CIMAP1D: variants seen among roughly 807,000 people sequenced by gnomAD.
CIMAP1D encodes the protein CIMAP1 family member D.
chr19:464,096 C>T, the CIMAP1D span: 1 of 1,526,020 alleles, frequency 6.6e-7, no homozygotes, highest in African/African-American at 1.5e-5. Flanking sequence ...GGCTGTCGTA[C>T]TGGCCCGGGC....
the CIMAP1D span, among the ~76,000 whole-genome samples, chr19:472,996 AAACT>A: frequency 1.1e-4 from 13 of 115,260 alleles, no homozygotes; most frequent in Admixed American, 6.8e-4. Flanking sequence ...ACAGATGGGG[AAACT>A]GAGGCCCAGG....
the CIMAP1D span, among the ~76,000 whole-genome samples, chr19:481,120 TGTGGGAAG>T: frequency 6.1e-5 from 3 of 49,074 alleles, no homozygotes; most frequent in African/African-American, 5.1e-4. Flanking sequence ...GGAGAAGGAA[TGTGGGAAG>T]GATGATGGGG....
chr19:464,944 G>A, the CIMAP1D span, among the ~76,000 whole-genome samples: 2 of 133,718 alleles, frequency 1.5e-5, no homozygotes, highest in Non-Finnish European at 3.2e-5. Context: ...CGGTTGATAG[G>A]TAGAAGGAAA....
chr19:485,319 G>A, the CIMAP1D span, among the ~76,000 whole-genome samples: 962 of 152,332 alleles, frequency 6.3e-3, 12 homozygotes, highest in African/African-American at 0.021. Flanking sequence ...GGCAGGAGCC[G>A]GGCGTGCCCG....
chr19:489,215 C>T, the CIMAP1D span: 2 of 152,178 alleles, frequency 1.3e-5, no homozygotes, highest in Non-Finnish European at 2.9e-5. Context: ...TCAGCTGCGC[C>T]CTGCGGGTCG....
chr19:467,451 A>T, the CIMAP1D span, among the ~76,000 whole-genome samples: 2 of 151,970 alleles, frequency 1.3e-5, no homozygotes, highest in Non-Finnish European at 2.9e-5. Context: ...ATCCTGACCC[A>T]CTTCACTCAT....
At chr19:476,824 T>G in the CIMAP1D span, among the ~76,000 whole-genome samples, 1 of 152,176 alleles carries the variant, frequency 6.6e-6, no homozygotes, top group African/African-American at 2.4e-5. Flanking sequence ...ATTTTCAAAC[T>G]AAATGACTAT....
chr19:487,382 G>A, the CIMAP1D span, among the ~76,000 whole-genome samples: 2 of 139,156 alleles, frequency 1.4e-5, no homozygotes, highest in Admixed American at 7.3e-5. Flanking sequence ...GGCATAACTA[G>A]CCTGGCTCAT....
the CIMAP1D span, chr19:472,473 C>T: frequency 3.5e-4 from 545 of 1,545,986 alleles, 1 homozygote; most frequent in East Asian, 5.1e-3. Context: ...CCACGGTGGA[C>T]GGCAGGACAT....
At chr19:482,788 C>T in the CIMAP1D span, among the ~76,000 whole-genome samples, 7 of 152,268 alleles carry the variant, frequency 4.6e-5, 1 homozygote, top group Admixed American at 4.6e-4. Flanking sequence ...CACTGTCCTG[C>T]CCACCTACAC....
chr19:471,448 C>G, the CIMAP1D span, among the ~76,000 whole-genome samples: 1 of 151,390 alleles, frequency 6.6e-6, no homozygotes, highest in Admixed American at 6.6e-5. Context: ...GCGCCCGGCC[C>G]TAAATTTGTT....
the CIMAP1D span, chr19:464,502 A>G: frequency 1.5e-6 from 1 of 674,086 alleles, no homozygotes; most frequent in Non-Finnish European, 2.6e-6. Context: ...TCCCTTCCCC[A>G]TCCTCCATAC....
the CIMAP1D span, chr19:474,818 C>T: frequency 3.9e-5 from 51 of 1,298,798 alleles, no homozygotes; most frequent in African/African-American, 1.7e-4. Context: ...GCAGCTCTGG[C>T]GGCCACAGGC....
the CIMAP1D span, chr19:463,816 C>G: frequency 6.4e-7 from 1 of 1,574,578 alleles, no homozygotes; most frequent in East Asian, 2.3e-5. Context: ...GCCAGCCCCC[C>G]GTTCACTGTG....
chr19:466,623 T>C, the CIMAP1D span, among the ~76,000 whole-genome samples: 3 of 109,758 alleles, frequency 2.7e-5, no homozygotes, highest in Middle Eastern at 6.4e-3. Context: ...GGGTGGATGG[T>C]AGAAGCATGG....
the CIMAP1D span, chr19:464,101 C>T: frequency 2.0e-6 from 3 of 1,522,950 alleles, no homozygotes; most frequent in African/African-American, 4.4e-5. Context: ...TCGTACTGGC[C>T]CGGGCCTGGT....
chr19:475,380 GGAGA>G, the CIMAP1D span, among the ~76,000 whole-genome samples: 2 of 152,212 alleles, frequency 1.3e-5, no homozygotes, highest in African/African-American at 2.4e-5. Context: ...TCTCAGGATG[GGAGA>G]GAGAAAGTCG....
chr19:485,892 C>G, the CIMAP1D span, among the ~76,000 whole-genome samples: 405 of 152,366 alleles, frequency 2.7e-3, 5 homozygotes, highest in Non-Finnish European at 9.3e-4. Context: ...CCACTCCCCA[C>G]TTCCCTGAGG....
the CIMAP1D span, chr19:490,331 G>C: frequency 0.074 from 18,014 of 242,614 alleles, 1,784 homozygotes; most frequent in African/African-American, 0.27. Context: ...ACTCCAGCCT[G>C]GGCGACAAGA....
Sources: allele counts gnomAD v4.1 joint callset (sites outside exome capture counted in the v4.1 genomes callset), GRCh38; gene constraint gnomAD v4.1.1; transcripts MANE v1.5; gene names NCBI Gene and HGNC (gene_info 2026-07-23, HGNC 2026-07-21).